The following DNAL4 variants were observed in gnomAD, a reference collection of about 807,000 sequenced individuals.
DNAL4 encodes the protein dynein light chain, outer arm 4.
In DNAL4, 10 loss-of-function variants were observed where a neutral mutation model predicts 12.6. The observed-to-expected ratio is 0.79, with a 90% CI of 0.49 to 1.34. The LOEUF is 1.34. DNAL4 is among the 40% of genes most tolerant of loss of function. The pLI is 0.00. For missense variants in DNAL4, 128 were observed against 138.1 expected, an observed-to-expected ratio of 0.93 and a Z score of 0.37; for synonymous variants, 46 against 53.1, an observed-to-expected ratio of 0.87 and a Z score of 0.58.
chr22:38,779,501 A>G lies in DNAL4; in HGVS notation c.266T>C (p.Leu89Pro). 1 of 1,582,418 alleles carries G rather than the reference A, an allele frequency of 6.3e-7. No homozygotes were observed. Reference protein sequence around the residue: ...FEITHEVKNLLYLYFGGTLAV... With the variant: ...FEITHEVKNLPYLYFGGTLAV... Reference sequence around the variant, plus strand: ...CAGGGTGCCCCCGAAGTACAGGTAGAGGAGGTTCTTCACCTCGTGGGTGAT... The same window carrying G: ...CAGGGTGCCCCCGAAGTACAGGTAGGGGAGGTTCTTCACCTCGTGGGTGAT... Residue 89 changes from leucine (L) to proline (P), a missense_variant, in exon 4 of 4, where the codon CTC becomes CCC. By Grantham distance (98) the Leu-to-Pro change is moderately conservative. Transcript: ENST00000216068. This position sits in a 1 kb window ranked among gnomAD's most constrained non-coding sequence, Gnocchi z 4.3.
intron 1 of DNAL4, among the ~76,000 whole-genome samples, chr22:38,790,172 C>T (rs1005147585): frequency 6.6e-6 from 1 of 151,358 alleles, no homozygotes; most frequent in African/African-American, 2.4e-5. Context: ...GGATCTTTTT[C>T]ATAGTGAATG....
At chr22:38,789,809 G>C (rs753677176) in intron 1 of DNAL4, among the ~76,000 whole-genome samples, 1 of 152,230 alleles carries the variant, frequency 6.6e-6, no homozygotes, top group Non-Finnish European at 1.5e-5. Context: ...GCCTGGAAAG[G>C]TGAGGAAGAA....
In DNAL4 at chr22:38,781,005, G is replaced by A. The variant is rs199900827; in HGVS notation, c.74C>T (p.Ser25Leu). Reference sequence around the variant, plus strand: ...CACGCGCATCTCCTCTGGCATGTCCGAGTGCTAGAGACAGGGCAGGGGTAA... The same window carrying A: ...CACGCGCATCTCCTCTGGCATGTCCAAGTGCTAGAGACAGGGCAGGGGTAA... ...RLQTFPLVRH[S>L]DMPEEMRVET... The change falls in exon 3 of 4, where the codon TCG (serine) becomes TTG (leucine). Residue 25 changes from serine to leucine, a missense_variant. Ser to Leu is a moderately radical substitution (Grantham distance 145, BLOSUM62 -2). Transcript: ENST00000216068. 7.4e-6 allele frequency: 12 copies of A among 1,613,932 alleles called. No homozygotes were observed. The highest frequency in any genetic ancestry group is 3.3e-5 in the South Asian group (3 of 91,072).
chr22:38,789,771 T>C lies in DNAL4; in HGVS notation c.-140+4297A>G, dbSNP rs567180925. On this transcript the variant is annotated intron_variant, in intron 1 of 3. Coordinates refer to ENST00000216068, the MANE Select transcript of DNAL4 (RefSeq NM_005740.3). ...GGTGAGATAAGACAGCAAAAGGAGC[T>C]TGCTGGCAGGGGCAGCATTTGAGTC... is the stretch of plus-strand genomic sequence containing the variant. Among the ~76,000 whole-genome samples, 24 of 152,232 alleles carry C rather than the reference T, an allele frequency of 1.6e-4. No homozygotes were observed. In the East Asian group the frequency reaches 1.9e-3, roughly 12 times the overall value.
In DNAL4 at chr22:38,784,623, G is replaced by A. The variant is rs182809335; in HGVS notation, c.-139-1753C>T. Among the ~76,000 whole-genome samples the A allele has an allele frequency of 6.0e-5, 9 of 149,154 alleles. No homozygotes were observed. In the South Asian group the frequency reaches 1.5e-3, roughly 25 times the overall value. ...CTTCCCAGGTTCATGCCATTCTCCCGCCTCAGCCTCCCAAGTAGCTGGGAC... is the reference window on the plus strand; with the variant it reads ...CTTCCCAGGTTCATGCCATTCTCCCACCTCAGCCTCCCAAGTAGCTGGGAC... On this transcript the variant is annotated intron_variant, in intron 1 of 3. Coordinates refer to ENST00000216068, the MANE Select transcript of DNAL4 (RefSeq NM_005740.3).
At chr22:38,783,712 G>A (rs1422783581) in intron 1 of DNAL4, among the ~76,000 whole-genome samples, 1 of 152,208 alleles carries the variant, frequency 6.6e-6, no homozygotes, top group East Asian at 1.9e-4. Context: ...ATGGCCCTGG[G>A]CCCCAGACTC....
In DNAL4 at chr22:38,778,960, C is replaced by T. The variant is rs1258086791; in HGVS notation, c.*489G>A. The stretch of plus-strand genomic sequence containing the variant: ...GGTTTCTGAGGGGTCAGCACCTCCC[C>T]AGAGGACAAGGAGAGAAGCTGCCTG... On this transcript the variant is annotated 3_prime_UTR_variant, in exon 4 of 4. Transcript: ENST00000216068. 2 of 152,706 alleles carry T rather than the reference C, an allele frequency of 1.3e-5. No individual in the cohort carries two copies. Among genetic ancestry groups the T allele is most frequent in the Non-Finnish European group, 2.9e-5 (2 of 68,416 alleles). The allele number at this position is 152,706 out of a possible 1,614,324, so 9.5% of individuals were successfully genotyped here.
Position 38,781,387 on chromosome 22 carries a change from C to T in DNAL4, c.70-378G>A, listed in dbSNP as rs73884540. On this transcript the variant is annotated intron_variant, in intron 2 of 3. Coordinates refer to ENST00000216068, the MANE Select transcript of DNAL4 (RefSeq NM_005740.3). ...CTCTCTGGGGCCCCTGGTTTTCCTC[C>T]GGCCTTTCCCTCTGCTCCTTCTCCA... Among the ~76,000 whole-genome samples the T allele has an allele frequency of 2.4e-3, 364 of 152,344 alleles. 1 individual carries two copies. Among genetic ancestry groups the T allele is most frequent in the African/African-American group, 8.3e-3 (344 of 41,580 alleles).
intron 1 of DNAL4, among the ~76,000 whole-genome samples, chr22:38,792,536 G>A (rs2093052498): frequency 6.6e-6 from 1 of 152,210 alleles, no homozygotes. Flanking sequence ...GCCTGTGTCG[G>A]CCTCCCGAAG....
intron 1 of DNAL4, among the ~76,000 whole-genome samples, chr22:38,791,769 C>A (rs1028535022): frequency 6.6e-6 from 1 of 151,934 alleles, no homozygotes; most frequent in Non-Finnish European, 1.5e-5. Flanking sequence ...CAGCTCAATG[C>A]AACATCCACC....
At chr22:38,780,207 C>T (rs937687276) in intron 3 of DNAL4, among the ~76,000 whole-genome samples, 19 of 152,328 alleles carry the variant, frequency 1.2e-4, no homozygotes, top group East Asian at 1.9e-4. Flanking sequence ...ACACCAACAG[C>T]GCCTCCCACC....
intron 1 of DNAL4, among the ~76,000 whole-genome samples, chr22:38,788,088 T>A (rs115465775): frequency 1.3e-5 from 2 of 152,112 alleles, no homozygotes; most frequent in African/African-American, 4.8e-5. Context: ...TCCCGCCACA[T>A]TGGGGACACA....
rs752100793 is a variant in DNAL4 at position 38,785,383 on chromosome 22, T to C, written c.-139-2513A>G. ...ATGTGGAAGCAGCTTCTTAGGCATC[T>C]TCCACTGAGATGTTTCCATTTGATT... On this transcript the variant is annotated intron_variant, in intron 1 of 3. Coordinates refer to ENST00000216068, the MANE Select transcript of DNAL4 (RefSeq NM_005740.3). 6 of 152,322 alleles carry C rather than the reference T, an allele frequency of 3.9e-5. 1 individual carries two copies. The highest frequency in any genetic ancestry group is 3.9e-4 in the Admixed American group (6 of 15,300). The allele number at this position is 152,322 out of a possible 1,614,324, so 9.4% of individuals were successfully genotyped here.
At chr22:38,788,429 C>T (rs539395517) in intron 1 of DNAL4, among the ~76,000 whole-genome samples, 3 of 152,204 alleles carry the variant, frequency 2.0e-5, no homozygotes, top group East Asian at 1.9e-4. Context: ...CATTTTGCTG[C>T]GGTCCAATGA....
intron 1 of DNAL4, among the ~76,000 whole-genome samples, chr22:38,787,655 C>T (rs2093044538): frequency 1.3e-5 from 2 of 152,180 alleles, no homozygotes; most frequent in South Asian, 2.1e-4. Flanking sequence ...CACATCTAAA[C>T]GTGCAGCCAA....
chr22:38,790,053 A>G (rs895371330), intron 1 of DNAL4, among the ~76,000 whole-genome samples: 1 of 151,998 alleles, frequency 6.6e-6, no homozygotes, highest in African/African-American at 2.4e-5. Flanking sequence ...TGGGGTCTCT[A>G]TGTTGCCCAG....
At chr22:38,783,170 C>T (rs961232952) in intron 1 of DNAL4, among the ~76,000 whole-genome samples, 3 of 152,116 alleles carry the variant, frequency 2.0e-5, no homozygotes, top group Admixed American at 6.5e-5. Context: ...AGTTTCCCCG[C>T]GTACCCACTA....
chr22:38,790,770 T>C (rs1023684425), intron 1 of DNAL4, among the ~76,000 whole-genome samples: 7 of 152,212 alleles, frequency 4.6e-5, no homozygotes, highest in African/African-American at 1.7e-4. Flanking sequence ...CTAGGCTATA[T>C]GGTACGGCCT....
intron 1 of DNAL4, among the ~76,000 whole-genome samples, chr22:38,786,240 T>C (rs1028494812): frequency 1.3e-5 from 2 of 152,196 alleles, no homozygotes; most frequent in Non-Finnish European, 2.9e-5. Context: ...GAAAGAGTCA[T>C]GTCAGGTCTA....
Sources: allele counts gnomAD v4.1 joint callset (sites outside exome capture counted in the v4.1 genomes callset), GRCh38; gene constraint gnomAD v4.1.1; non-coding constraint Gnocchi (gnomAD v3.1); transcripts MANE v1.5; gene names NCBI Gene and HGNC (gene_info 2026-07-23, HGNC 2026-07-21).